Variants in ZNF177 observed in about 807,000 individuals in gnomAD.
ZNF177 encodes zinc finger protein 177.
In ZNF177, 17 loss-of-function variants were observed where a neutral mutation model predicts 19.4. That is an observed-to-expected ratio of 0.87 (90% confidence interval 0.60 to 1.31). The LOEUF is 1.31. Ranked by LOEUF, ZNF177 falls within the 40% of genes most tolerant of loss-of-function variation. The probability of loss-of-function intolerance (pLI) is 0.00; values close to 1 mark genes in which losing one functional copy is unlikely to be tolerated. For synonymous variants in ZNF177, 220 were observed against 188.7 expected, an observed-to-expected ratio of 1.17 and a Z score of -1.36; for missense variants, 633 against 561.8, an observed-to-expected ratio of 1.13 and a Z score of -1.28.
chr19:9,382,397 C>T, downstream of ZNF177: 1 of 398,710 alleles, frequency 2.5e-6, no homozygotes, highest in Non-Finnish European at 4.4e-6. Flanking sequence ...AATATATACA[C>T]CAAGAGGAGG....
intron 2 of ZNF177, among the ~76,000 whole-genome samples, chr19:9,370,591 A>G (rs1238983505): frequency 6.6e-6 from 1 of 151,774 alleles, no homozygotes; most frequent in African/African-American, 2.4e-5. Context: ...TTTAAAATAG[A>G]TACATATTTT....
At chr19:9,381,094 G>A (rs1178334697) in exon 6 of ZNF177, 6 of 1,612,296 alleles carry the variant, frequency 3.7e-6, no homozygotes, top group African/African-American at 1.3e-5. Context: ...TGTGGAGGAG[G>A]GTTTGGAATG....
rs1431987851 is a variant in ZNF177, at chr19:9,377,057, TAC to T, written c.-54+636_-54+637del. ...CAGGTAAAACATTCTTGGTTGGCAG[TAC>T]AGTCATGCACTGTGTAAAGACATTT... On this transcript the variant is annotated intron_variant, in intron 1 of 5. Coordinates refer to ENST00000589262, the Ensembl canonical transcript of ZNF177. 7.9e-5 allele frequency among the ~76,000 whole-genome samples: 12 copies of T among 152,338 alleles called. No individual in the cohort carries two copies. The East Asian group carries it at 2.3e-3, about 29-fold the overall frequency.
exon 6 of ZNF177, chr19:9,381,442 A>G (rs775428178): frequency 1.9e-6 from 3 of 1,611,588 alleles, no homozygotes; most frequent in Non-Finnish European, 2.5e-6. Flanking sequence ...CTATGAATGC[A>G]GTGACTGTGG....
At position 9,364,315 on chromosome 19, in the gene ZNF177, A is replaced by G. The variant is rs369308006; in HGVS notation, c.-391-547A>G. ...GGTTTTGGAGGACAACTGCAGCTAGAGTCAACTTGGGCCTGGAGGACTGAT... is the reference window on the plus strand; with the variant it reads ...GGTTTTGGAGGACAACTGCAGCTAGGGTCAACTTGGGCCTGGAGGACTGAT... On this transcript the variant is annotated intron_variant, in intron 1 of 8. Coordinates refer to the ZNF177 transcript ENST00000343499. Among the ~76,000 whole-genome samples the G allele has an allele frequency of 2.6e-5, 4 of 152,184 alleles. No individual in the cohort carries two copies. The South Asian group carries it at 6.2e-4, about 24-fold the overall frequency.
chr19:9,365,372 A>C (rs1250221497), intron 2 of ZNF177, among the ~76,000 whole-genome samples: 2 of 152,076 alleles, frequency 1.3e-5, no homozygotes, highest in Non-Finnish European at 1.5e-5. Flanking sequence ...CTTGTCCTCC[A>C]GAAAAGCAGA....
At position 9,380,742 on chromosome 19, in the gene ZNF177, TTGTA is replaced by T; in HGVS notation, c.412_415del (p.Cys138GlnfsTer13). ...AATTCAGAAAGAACACTCGCTTTAT[TTGTA>T]CAAGATATTGCAAGGGAGAGAAATG... On this transcript the variant is annotated frameshift_variant, in exon 6 of 6. Coordinates refer to ENST00000589262, the Ensembl canonical transcript of ZNF177. LOFTEE classifies it low-confidence loss of function (END_TRUNC). The T allele has an allele frequency of 6.5e-7, 1 of 1,536,026 alleles. No homozygotes were observed. The highest frequency in any genetic ancestry group is 1.2e-5 in the South Asian group (1 of 84,030).
rs541910390 is a variant in ZNF177, at chr19:9,380,930, G to C, written c.599G>C (p.Gly200Ala). The C allele has an allele frequency of 9.1e-4, 1,400 of 1,536,528 alleles. 6 individuals are homozygous for C. Among genetic ancestry groups the C allele is most frequent in the Middle Eastern group, 6.5e-3 (39 of 5,990 alleles). Residue 200 changes from glycine (G) to alanine (A), a missense_variant, in exon 6 of 6, where the codon GGA (glycine) becomes GCA (alanine). Gly to Ala is a moderately conservative substitution (Grantham distance 60). Transcript: ENST00000589262. ...AGGAAACACTTAAGAACTCCCACAG[G>C]ACAGAAGTTTCAGGAGTATGAGCAA...
rs143152963 is a variant in ZNF177 at position 9,381,164 on chromosome 19, A to C, written c.833A>C (p.His278Pro). 3.7e-6 allele frequency: 6 copies of C among 1,614,168 alleles called. No homozygotes were observed. The Admixed American group carries it at 1.0e-4, about 27-fold the overall frequency. ...TCCCTTCAGAACTGTGTCAGAACTC[A>C]CTCTGGAGAGATGCCCTATGAATGC... The change falls in exon 6 of 6, where the codon CAC becomes CCC. Residue 278 changes from histidine to proline, a missense_variant. Physicochemically the swap from His to Pro is moderately conservative, Grantham distance 77 (BLOSUM62 -2). Transcript: ENST00000589262.
chr19:9,376,217 TCA>T (rs2068107601), upstream of ZNF177: 1 of 152,096 alleles, frequency 6.6e-6, no homozygotes, highest in East Asian at 1.9e-4. Context: ...CCCACTACTC[TCA>T]GATTCAAGCA....
exon 6 of ZNF177, chr19:9,381,665 C>T: frequency 1.2e-6 from 2 of 1,614,218 alleles, no homozygotes; most frequent in Admixed American, 1.7e-5. Flanking sequence ...CACGTGAGAA[C>T]TCACACTGGA....
At chr19:9,378,863 G>A in intron 2 of ZNF177, 99 bp from the exon 5 acceptor site, 2 of 1,440,794 alleles carry the variant, frequency 1.4e-6, no homozygotes, top group East Asian at 2.4e-5. Context: ...CCAGTGCCCT[G>A]AGTCTCCTCT....
At chr19:9,380,073 T>G (rs1211755042) in exon 5 of ZNF177, 12 of 1,611,576 alleles carry the variant, frequency 7.4e-6, no homozygotes, top group Non-Finnish European at 1.0e-5. Context: ...AAACTCAACT[T>G]AAACCAAAAG....
chr19:9,367,970 GT>G, intron 2 of ZNF177, among the ~76,000 whole-genome samples: 1 of 152,312 alleles, frequency 6.6e-6, no homozygotes, highest in South Asian at 2.1e-4. Flanking sequence ...TTGAAGTGTA[GT>G]TTAAGTAACC....
chr19:9,365,525 G>A (rs934787381), intron 2 of ZNF177, among the ~76,000 whole-genome samples: 1 of 151,982 alleles, frequency 6.6e-6, no homozygotes, highest in African/African-American at 2.4e-5. Context: ...GGAGAGAAGG[G>A]GGTCAGGGGG....
chr19:9,369,939 G>A (rs1488239501), intron 2 of ZNF177, among the ~76,000 whole-genome samples: 2 of 151,822 alleles, frequency 1.3e-5, no homozygotes, highest in African/African-American at 4.8e-5. Context: ...CACGAATTTG[G>A]TATTATTACC....
At chr19:9,376,089 T>C (rs533334902), upstream of ZNF177, among the ~76,000 whole-genome samples, 1 of 152,338 alleles carries the variant, frequency 6.6e-6, no homozygotes, top group Admixed American at 6.5e-5. Context: ...TAGGTCTTTC[T>C]TTTTTAATCC....
At chr19:9,379,940 T>A in intron 4 of ZNF177, 117 bp from the exon 7 acceptor site, 1 of 1,227,014 alleles carries the variant, frequency 8.1e-7, no homozygotes, top group South Asian at 1.7e-5. Flanking sequence ...GTCTTCTTTC[T>A]TACATTTCTC....
intron 3 of ZNF177, 190 bp from the exon 6 acceptor site, chr19:9,379,313 GTATAGGTTTCAAGGGTCACTTCCA>G: frequency 6.5e-6 from 7 of 1,070,894 alleles, no homozygotes; most frequent in Non-Finnish European, 9.1e-6. Context: ...CTCATCTTGT[GTATAGGTTTCAAGGGTCACTTCCA>G]TATAGGGCGT....
Sources: gnomAD v4.1 joint callset for allele counts (sites outside exome capture counted in the v4.1 genomes callset) on GRCh38, gnomAD v4.1.1 for gene constraint, MANE v1.5 for transcripts, NCBI Gene and HGNC (gene_info 2026-07-23, HGNC 2026-07-21) for gene names.